SDK1: variants seen among roughly 807,000 people sequenced by gnomAD.
SDK1 encodes the protein protein sidekick-1.
A neutral mutation model predicts 245.5 loss-of-function variants in SDK1; 157 were observed. The ratio of observed to expected loss-of-function variants is 0.64; its 90% CI spans 0.56 to 0.73. The LOEUF is 0.73. Ranked by LOEUF, SDK1 falls within the 30% of genes least tolerant of loss-of-function variation. SDK1 has a pLI of 0.00. For synonymous variants in SDK1, 1,647 were observed against 1,278.5 expected, an observed-to-expected ratio of 1.29 and a Z score of -6.15; for missense variants, 3,583 against 3,002.3, an observed-to-expected ratio of 1.19 and a Z score of -4.52.
chr7:4,049,213 T>A (rs896062361), intron 17 of SDK1, 135 bp from the exon 18 acceptor site: 1 of 632,634 alleles, frequency 1.6e-6, no homozygotes, highest in African/African-American at 1.8e-5. Context: ...CCCAAAACAT[T>A]CATCACACTT....
intron 25 of SDK1, among the ~76,000 whole-genome samples, chr7:4,122,492 G>A (rs1784131291): frequency 6.6e-6 from 1 of 152,194 alleles, no homozygotes; most frequent in African/African-American, 2.4e-5. Context: ...CCAGTGTGCA[G>A]GAGTGCTGAA....
At chr7:3,522,318 T>C (rs1782965852) in intron 1 of SDK1, among the ~76,000 whole-genome samples, 2 of 152,120 alleles carry the variant, frequency 1.3e-5, no homozygotes, top group Non-Finnish European at 2.9e-5. Flanking sequence ...TTCAGAAATT[T>C]GAAGTGATTA....
chr7:4,107,730 A>G (rs1208818665), intron 22 of SDK1, among the ~76,000 whole-genome samples: 1 of 152,080 alleles, frequency 6.6e-6, no homozygotes, highest in African/African-American at 2.4e-5. Context: ...CAGCCCGCCT[A>G]CGACCCCCAT....
intron 1 of SDK1, among the ~76,000 whole-genome samples, chr7:3,459,905 G>A (rs1780782763): frequency 6.6e-6 from 1 of 152,130 alleles, no homozygotes; most frequent in Non-Finnish European, 1.5e-5. Context: ...GTTTATTGAG[G>A]CTTTTCAATA....
chr7:4,072,957 C>G (rs1780355510), intron 20 of SDK1, among the ~76,000 whole-genome samples: 1 of 152,266 alleles, frequency 6.6e-6, no homozygotes, highest in African/African-American at 2.4e-5. Context: ...GCGTCCTCCA[C>G]TCTCCTTCAG....
At chr7:3,925,921 A>G (rs1177580260) in intron 5 of SDK1, among the ~76,000 whole-genome samples, 3 of 152,174 alleles carry the variant, frequency 2.0e-5, no homozygotes, top group East Asian at 1.9e-4. Context: ...CTGTATTGCC[A>G]CAAGTAGGTT....
intron 29 of SDK1, among the ~76,000 whole-genome samples, chr7:4,146,464 G>A (rs991301492): frequency 6.6e-6 from 1 of 151,582 alleles, no homozygotes. Flanking sequence ...CACACTTTCA[G>A]CCTCACACCT....
At chr7:3,482,369 C>T (rs1163178075) in intron 1 of SDK1, among the ~76,000 whole-genome samples, 5 of 152,042 alleles carry the variant, frequency 3.3e-5, no homozygotes, top group African/African-American at 7.2e-5. Context: ...ACTCAAGGGC[C>T]GGGAGTGTCT....
intron 17 of SDK1, among the ~76,000 whole-genome samples, chr7:4,044,850 TAGCCCAC>T (rs1179339392): frequency 3.3e-4 from 50 of 152,222 alleles, no homozygotes; most frequent in African/African-American, 1.2e-3. Flanking sequence ...CAAACATCTT[TAGCCCAC>T]ATTCACCAGC....
At chr7:3,352,631 G>A (rs1780689915) in intron 1 of SDK1, among the ~76,000 whole-genome samples, 1 of 152,180 alleles carries the variant, frequency 6.6e-6, no homozygotes, top group African/African-American at 2.4e-5. Context: ...TTGAATAACA[G>A]AGCCACTCAT....
intron 4 of SDK1, among the ~76,000 whole-genome samples, chr7:3,796,610 C>T (rs1471952512): frequency 6.6e-6 from 1 of 152,210 alleles, no homozygotes; most frequent in Non-Finnish European, 1.5e-5. Flanking sequence ...CCATCTCCCT[C>T]GTGACCACCT....
chr7:3,349,195 AAAC>A (rs747641367), intron 1 of SDK1, among the ~76,000 whole-genome samples: 40 of 151,432 alleles, frequency 2.6e-4, no homozygotes, highest in Non-Finnish European at 5.7e-4. Flanking sequence ...GTTTAAAAAA[AAAC>A]AACAAAAAAA....
chr7:4,225,180 C>A (rs1463963964), intron 40 of SDK1, among the ~76,000 whole-genome samples: 1 of 151,920 alleles, frequency 6.6e-6, no homozygotes, highest in Admixed American at 6.6e-5. Context: ...TGCCCATGTC[C>A]CAGTTGTGAG....
intron 1 of SDK1, among the ~76,000 whole-genome samples, chr7:3,578,098 A>G (rs980520790): frequency 6.6e-6 from 1 of 151,570 alleles, no homozygotes; most frequent in Non-Finnish European, 1.5e-5. Context: ...ATTATTTTTT[A>G]TCAGGGGAAC....
intron 1 of SDK1, among the ~76,000 whole-genome samples, chr7:3,508,093 C>G (rs544601642): frequency 1.6e-4 from 24 of 152,264 alleles, no homozygotes; most frequent in African/African-American, 5.5e-4. Context: ...TAAACTGCTA[C>G]TGATAGTCAG....
rs1447109554 is a variant in SDK1, at chr7:4,266,142, C to T, written c.*758C>T. On this transcript the variant is annotated 3_prime_UTR_variant, in exon 45 of 45. Coordinates refer to ENST00000404826, the MANE Select transcript of SDK1 (RefSeq NM_152744.4). ...AGGGCTGGAAGCCACCACGCTGGCC[C>T]TCTCCTTCCCCGAACACAGCACACG... The T allele has an allele frequency of 1.0e-6, 1 of 985,412 alleles. No individual in the cohort carries two copies. The highest frequency in any genetic ancestry group is 1.7e-5 in the African/African-American group (1 of 57,258). The allele number at this position is 985,412 out of a possible 1,614,324, so 61.0% of individuals were successfully genotyped here.
intron 1 of SDK1, among the ~76,000 whole-genome samples, chr7:3,392,824 A>G (rs1460302549): frequency 6.6e-6 from 1 of 152,126 alleles, no homozygotes; most frequent in Non-Finnish European, 1.5e-5. Flanking sequence ...ATAATATTCC[A>G]GTGTATGCGT....
intron 27 of SDK1, among the ~76,000 whole-genome samples, chr7:4,130,988 T>TCCTCG (rs930571202): frequency 2.0e-5 from 3 of 152,090 alleles, no homozygotes; most frequent in Admixed American, 6.5e-5. Flanking sequence ...CCACCCCTGA[T>TCCTCG]CCTCGCCTCG....
At chr7:3,644,714 A>C in intron 4 of SDK1, among the ~76,000 whole-genome samples, 1 of 137,966 alleles carries the variant, frequency 7.2e-6, no homozygotes, top group Non-Finnish European at 1.5e-5. Context: ...TGGAGGTTGC[A>C]GTGAGCTACG....
Sources: allele counts gnomAD v4.1 joint callset (sites outside exome capture counted in the v4.1 genomes callset), GRCh38; gene constraint gnomAD v4.1.1; transcripts MANE v1.5; gene names NCBI Gene and HGNC (gene_info 2026-07-23, HGNC 2026-07-21).